Variants in MED13L observed in about 807,000 individuals in gnomAD.
MED13L encodes the protein mediator of RNA polymerase II transcription subunit 13-like.
A neutral mutation model predicts 220.9 loss-of-function variants in MED13L; 7 were observed. The ratio of observed to expected loss-of-function variants is 0.03; its 90% CI spans 0.02 to 0.06. The LOEUF is 0.06. Among genes scored for constraint, MED13L ranks in the 10% least tolerant of loss-of-function variants. MED13L has a pLI of 1.00. For missense variants in MED13L, 1,965 were observed against 2,760.5 expected, an observed-to-expected ratio of 0.71 and a Z score of 6.46; for synonymous variants, 1,011 against 1,015.2, an observed-to-expected ratio of 1.00 and a Z score of 0.08.
In MED13L at chr12:116,038,744, C is replaced by CAAAAAAAAAAAA. The variant is rs63703461; in HGVS notation, c.480-16155_480-16144dup. Reference sequence around the variant, plus strand: ...GACTTTACCTATGCGGTCAAAAGGCCAAAAAAAAAAAAAAAAAAAAAAAAA... The same window carrying CAAAAAAAAAAAA: ...GACTTTACCTATGCGGTCAAAAGGCCAAAAAAAAAAAAAAAAAAAAAAAAAAAAAAAAAAAAA... On this transcript the variant is annotated intron_variant, in intron 4 of 30. Coordinates refer to ENST00000281928, the MANE Select transcript of MED13L (RefSeq NM_015335.5). Among the ~76,000 whole-genome samples, 41 of 75,262 alleles carry CAAAAAAAAAAAA rather than the reference C, an allele frequency of 5.4e-4. 3 individuals are homozygous for CAAAAAAAAAAAA. The East Asian group carries it at 0.011, about 20-fold the overall frequency. 49.4% of individuals were successfully genotyped at this position (75,262 alleles called of 152,430 possible).
At chr12:116,099,978 A>G (rs1236915173) in intron 3 of MED13L, among the ~76,000 whole-genome samples, 1 of 152,160 alleles carries the variant, frequency 6.6e-6, no homozygotes, top group Non-Finnish European at 1.5e-5. Flanking sequence ...AACTTAGATG[A>G]TTTTTCATTT....
At chr12:116,180,683 TAA>T (rs1210685863) in intron 2 of MED13L, among the ~76,000 whole-genome samples, 2 of 152,136 alleles carry the variant, frequency 1.3e-5, no homozygotes, top group African/African-American at 4.8e-5. Context: ...CCTCAACTAC[TAA>T]AAGACACAGT....
rs576487328 is a variant in MED13L, at chr12:115,983,347, T to C, written c.4725A>G (p.Ala1575=). ...TSNSSSTNPA[A]SSSASGSSVP... ...CAGAGGAACCAGATGCAGAACTACT[T>C]GCTGCAGGATTTGTAGAACTACTAT... Residue 1575 remains alanine, a synonymous_variant, in exon 21 of 31, where the codon GCA becomes GCG. Coordinates refer to ENST00000281928, the MANE Select transcript of MED13L (RefSeq NM_015335.5). 28 of 1,614,216 alleles carry C rather than the reference T, an allele frequency of 1.7e-5. No homozygotes were observed. The South Asian group carries it at 2.9e-4, about 16-fold the overall frequency.
At chr12:116,169,307 A>AGG (rs1408943329) in intron 2 of MED13L, 1 of 152,404 alleles carries the variant, frequency 6.6e-6, no homozygotes. Flanking sequence ...TTCCCTCTCC[A>AGG]AGTGATCTGT....
At chr12:116,267,693 T>C (rs1007107510) in intron 1 of MED13L, among the ~76,000 whole-genome samples, 1 of 152,262 alleles carries the variant, frequency 6.6e-6, no homozygotes. Flanking sequence ...TAGAAAACAA[T>C]CTTTTGAATG....
At chr12:116,167,072 C>A (rs1231863176) in intron 2 of MED13L, among the ~76,000 whole-genome samples, 1 of 151,992 alleles carries the variant, frequency 6.6e-6, no homozygotes, top group Non-Finnish European at 1.5e-5. Context: ...AAACTAAAAT[C>A]TTTAAAAACC....
At chr12:115,998,766 A>G (rs1391849546) in intron 14 of MED13L, among the ~76,000 whole-genome samples, 1 of 152,214 alleles carries the variant, frequency 6.6e-6, no homozygotes, top group Non-Finnish European at 1.5e-5. Context: ...GGAGAGGGAG[A>G]GGCCAATCAG....
At chr12:116,186,016 T>C (rs1193537016) in intron 2 of MED13L, among the ~76,000 whole-genome samples, 1 of 152,222 alleles carries the variant, frequency 6.6e-6, no homozygotes, top group Non-Finnish European at 1.5e-5. Context: ...TCTTTCTCTA[T>C]GCTTTTATTC....
chr12:116,060,111 G>C (rs907103295), intron 4 of MED13L, among the ~76,000 whole-genome samples: 1 of 152,052 alleles, frequency 6.6e-6, no homozygotes, highest in Non-Finnish European at 1.5e-5. Flanking sequence ...CAAACTAAGC[G>C]CAAGATTGCT....
chr12:115,987,861 G>C (rs1385047005), intron 17 of MED13L, among the ~76,000 whole-genome samples: 1 of 152,202 alleles, frequency 6.6e-6, no homozygotes, highest in East Asian at 1.9e-4. Flanking sequence ...GCACGGATGG[G>C]ATTCACTGCC....
chr12:116,199,626 AAC>A (rs1322182674), intron 2 of MED13L, among the ~76,000 whole-genome samples: 3 of 152,178 alleles, frequency 2.0e-5, no homozygotes, highest in African/African-American at 7.2e-5. Flanking sequence ...CTTTCAGAAA[AAC>A]AGTTCCCATT....
intron 4 of MED13L, among the ~76,000 whole-genome samples, chr12:116,031,302 G>A (rs904743349): frequency 3.9e-5 from 6 of 152,004 alleles, no homozygotes; most frequent in African/African-American, 1.2e-4. Context: ...GAAAGGGGCC[G>A]GGTGCAGTGG....
At chr12:116,161,329 A>G (rs1878836995) in intron 2 of MED13L, among the ~76,000 whole-genome samples, 1 of 152,190 alleles carries the variant, frequency 6.6e-6, no homozygotes. Context: ...TGGAAGTGGC[A>G]AAGTCCTCAG....
At chr12:116,113,913 A>G (rs1408672977) in intron 2 of MED13L, among the ~76,000 whole-genome samples, 1 of 151,734 alleles carries the variant, frequency 6.6e-6, no homozygotes, top group African/African-American at 2.4e-5. Context: ...AAAATAGAAT[A>G]ACAAGTCCCA....
intron 1 of MED13L, among the ~76,000 whole-genome samples, chr12:116,241,340 AAAC>A (rs1565945109): frequency 6.6e-6 from 1 of 151,200 alleles, no homozygotes; most frequent in Non-Finnish European, 1.5e-5. Flanking sequence ...AACAAAAAAA[AAAC>A]ACACACACAC....
At chr12:115,972,051 T>G in intron 26 of MED13L, 27 bp downstream of exon 26, 1 of 1,612,258 alleles carries the variant, frequency 6.2e-7, no homozygotes, top group Non-Finnish European at 8.5e-7. Context: ...GATATGTAAT[T>G]AATGACAATG....
intron 2 of MED13L, among the ~76,000 whole-genome samples, chr12:116,188,818 T>C (rs1245309904): frequency 2.0e-5 from 3 of 152,182 alleles, no homozygotes; most frequent in Admixed American, 6.5e-5. Context: ...AATGGAATCA[T>C]ACACTATATA....
At chr12:116,151,726 G>T (rs1185039670) in intron 2 of MED13L, among the ~76,000 whole-genome samples, 1 of 152,174 alleles carries the variant, frequency 6.6e-6, no homozygotes, top group Non-Finnish European at 1.5e-5. Flanking sequence ...AGACTAATGA[G>T]TGCCTTATTT....
chr12:115,982,417 T>C lies in MED13L; in HGVS notation c.5142A>G (p.Leu1714=), dbSNP rs748203597. 3.1e-6 allele frequency: 5 copies of C among 1,613,948 alleles called. No individual in the cohort carries two copies. The African/African-American group carries it at 6.7e-5, about 22-fold the overall frequency. ...MRCYTEMLDN[L]PEHMRNSFIL... ...TGAAAGAATTTCTCATATGCTCAGG[T>C]AAATTATCCAGCATTTCTGTGTAGC... is the stretch of plus-strand genomic sequence containing the variant. Residue 1714 remains leucine (L), a synonymous_variant, in exon 22 of 31, where the codon TTA becomes TTG. Coordinates refer to ENST00000281928, the MANE Select transcript of MED13L (RefSeq NM_015335.5).
Sources: allele counts gnomAD v4.1 joint callset (sites outside exome capture counted in the v4.1 genomes callset), GRCh38; gene constraint gnomAD v4.1.1; transcripts MANE v1.5; gene names NCBI Gene and HGNC (gene_info 2026-07-23, HGNC 2026-07-21).